Variants in SHISA9 observed in about 807,000 individuals in gnomAD.
SHISA9 encodes shisa family member 9.
SHISA9 carries 13 observed loss-of-function variants against 38.0 expected under a neutral mutation model. The ratio of observed to expected loss-of-function variants is 0.34; its 90% CI spans 0.22 to 0.54. The LOEUF is 0.54. Ranked by LOEUF, SHISA9 falls within the 20% of genes least tolerant of loss-of-function variation. The pLI is 0.91. For missense variants in SHISA9, 538 were observed against 575.8 expected (o/e 0.93, Z 0.67); for synonymous variants, 275 against 242.0 (o/e 1.14, Z -1.27).
the SHISA9 span, among the ~76,000 whole-genome samples, chr16:13,556,682 T>TAAAC: frequency 1.3e-5 from 2 of 151,520 alleles, no homozygotes; most frequent in South Asian, 2.1e-4. Flanking sequence ...AAAAATAAAA[T>TAAAC]AAACAAACAA....
the SHISA9 span, among the ~76,000 whole-genome samples, chr16:13,289,403 A>G: frequency 6.6e-6 from 1 of 151,954 alleles, no homozygotes; most frequent in African/African-American, 2.4e-5. Context: ...GGGGGTGCTG[A>G]TGGGAAAGTT....
the SHISA9 span, among the ~76,000 whole-genome samples, chr16:13,385,010 C>G: frequency 6.6e-6 from 1 of 151,902 alleles, no homozygotes; most frequent in African/African-American, 2.4e-5. Context: ...AGAAAATGAG[C>G]AAAAGACAGG....
At position 13,235,529 on chromosome 16, in the gene SHISA9, G is replaced by C; in HGVS notation, c.*120G>C. ...GCGTCCACACACTCACTCTCAACAA[G>C]AACCAACTCTAAACCTACTGGGGAC... is the stretch of plus-strand genomic sequence containing the variant. On this transcript the variant is annotated 3_prime_UTR_variant, in exon 5 of 5. Coordinates refer to ENST00000558583, the MANE Select transcript of SHISA9 (RefSeq NM_001145204.3). 1.6e-6 allele frequency: 2 copies of C among 1,248,244 alleles called. No homozygotes were observed. The highest frequency in any genetic ancestry group is 2.2e-4 in the Middle Eastern group (1 of 4,650). 77.3% of individuals were successfully genotyped at this position (1,248,244 alleles called of 1,614,324 possible).
At chr16:13,090,229 G>T (rs276634) in intron 2 of SHISA9, among the ~76,000 whole-genome samples, 3 of 152,144 alleles carry the variant, frequency 2.0e-5, no homozygotes, top group Non-Finnish European at 2.9e-5. Context: ...CAATTATGTG[G>T]TCAATTTTAG....
chr16:13,263,737 T>C, the SHISA9 span, among the ~76,000 whole-genome samples: 1 of 152,210 alleles, frequency 6.6e-6, no homozygotes, highest in African/African-American at 2.4e-5. Flanking sequence ...TTGTGTGGGA[T>C]TCTGCCAATA....
intron 3 of SHISA9, among the ~76,000 whole-genome samples, chr16:13,210,154 G>T (rs2051104487): frequency 6.6e-6 from 1 of 152,104 alleles, no homozygotes; most frequent in Non-Finnish European, 1.5e-5. Context: ...AGGGATGATT[G>T]GTACTTCCAG....
At chr16:12,968,840 T>C (rs1297666993) in intron 2 of SHISA9, among the ~76,000 whole-genome samples, 2 of 152,146 alleles carry the variant, frequency 1.3e-5, no homozygotes, top group East Asian at 3.9e-4. Flanking sequence ...TGAGTGAGTG[T>C]GGCTGTGTTC....
intron 2 of SHISA9, among the ~76,000 whole-genome samples, chr16:13,016,402 A>C (rs2072758086): frequency 1.3e-5 from 2 of 152,184 alleles, no homozygotes; most frequent in Non-Finnish European, 2.9e-5. Flanking sequence ...ATATTTGCTG[A>C]CTTCTTTGAA....
chr16:13,032,175 G>A (rs1421962502), intron 2 of SHISA9, among the ~76,000 whole-genome samples: 2 of 151,862 alleles, frequency 1.3e-5, no homozygotes, highest in African/African-American at 4.8e-5. Flanking sequence ...CCCTCCTCTT[G>A]CCCCCACCCC....
chr16:13,549,110 G>A, the SHISA9 span, among the ~76,000 whole-genome samples: 1 of 152,188 alleles, frequency 6.6e-6, no homozygotes, highest in African/African-American at 2.4e-5. Flanking sequence ...AAATAAGCCA[G>A]GCACAGAAAG....
the SHISA9 span, chr16:13,332,689 GAGA>G: frequency 2.0e-5 from 3 of 152,352 alleles, no homozygotes; most frequent in South Asian, 2.1e-4. Context: ...TCCCCAGAGA[GAGA>G]AGAACAACTG....
At position 12,928,288 on chromosome 16, in the gene SHISA9, C is replaced by T. The variant is rs1251497828; in HGVS notation, c.691+11473C>T. On this transcript the variant is annotated intron_variant, in intron 2 of 4. Transcript: ENST00000558583. Reference sequence around the variant, plus strand: ...ACCTACTAAATACTAGGCACTGGGGCTTGTCATTAGGGGTGCAGAGGTTGG... The same window carrying T: ...ACCTACTAAATACTAGGCACTGGGGTTTGTCATTAGGGGTGCAGAGGTTGG... Among the ~76,000 whole-genome samples, 6 of 148,508 alleles carry T rather than the reference C, an allele frequency of 4.0e-5. No homozygotes were observed. The East Asian group carries it at 1.0e-3, about 25-fold the overall frequency.
chr16:13,555,742 T>C, the SHISA9 span, among the ~76,000 whole-genome samples: 1 of 152,182 alleles, frequency 6.6e-6, no homozygotes, highest in Non-Finnish European at 1.5e-5. Flanking sequence ...TGATACTCCC[T>C]TGTTCTCTTC....
chr16:13,254,622 G>A, the SHISA9 span, among the ~76,000 whole-genome samples: 1 of 152,212 alleles, frequency 6.6e-6, no homozygotes, highest in South Asian at 2.1e-4. Flanking sequence ...TTACCATGAC[G>A]TTCTTTCCAG....
the SHISA9 span, among the ~76,000 whole-genome samples, chr16:13,541,504 C>T: frequency 6.6e-6 from 1 of 152,196 alleles, no homozygotes; most frequent in Non-Finnish European, 1.5e-5. Flanking sequence ...TCTTTACAAT[C>T]TTGTGTGGTC....
At chr16:13,110,194 T>C (rs2073964101) in intron 2 of SHISA9, among the ~76,000 whole-genome samples, 4 of 152,196 alleles carry the variant, frequency 2.6e-5, no homozygotes, top group Admixed American at 1.3e-4. Context: ...ATATTTGCAA[T>C]GGAATGTTCA....
At chr16:13,443,568 G>A in the SHISA9 span, among the ~76,000 whole-genome samples, 11 of 152,262 alleles carry the variant, frequency 7.2e-5, no homozygotes, top group South Asian at 1.2e-3. Flanking sequence ...TCGTTACTAC[G>A]TGCTGGGACA....
chr16:13,103,279 G>T (rs936997241), intron 2 of SHISA9, among the ~76,000 whole-genome samples: 1 of 152,304 alleles, frequency 6.6e-6, no homozygotes, highest in East Asian at 1.9e-4. Flanking sequence ...CGAGCTGAAA[G>T]CCCCCTTCTC....
At chr16:13,288,045 C>A in the SHISA9 span, among the ~76,000 whole-genome samples, 20 of 152,014 alleles carry the variant, frequency 1.3e-4, no homozygotes, top group Non-Finnish European at 2.6e-4. Context: ...TCCATAGCAG[C>A]AGGTTATGTT....
Sources: allele counts gnomAD v4.1 joint callset (sites outside exome capture counted in the v4.1 genomes callset), GRCh38; gene constraint gnomAD v4.1.1; transcripts MANE v1.5; gene names NCBI Gene and HGNC (gene_info 2026-07-23, HGNC 2026-07-21).